Variants in RIN2 observed in about 807,000 individuals in gnomAD.
RIN2 encodes RAB5 interacting protein 2.
RIN2 carries 36 observed loss-of-function variants against 78.0 expected under a neutral mutation model. The ratio of observed to expected loss-of-function variants is 0.46; its 90% CI spans 0.35 to 0.61. The LOEUF is 0.61. RIN2 is among the 20% of genes least tolerant of loss of function. RIN2 has a pLI of 0.00. For missense variants in RIN2, 1,087 were observed against 1,159.7 expected (o/e 0.94, Z 0.91); for synonymous variants, 466 against 466.8 (o/e 1.00, Z 0.02).
rs147400585 is a variant in RIN2, at chr20:19,802,368, C to T, written c.-37+2621C>T. ...GGTATGGCCAGGCCAGGTGTGGTGG[C>T]TCATGTCTGTAATCTCAGCCCTTTG... On this transcript the variant is annotated intron_variant, in intron 2 of 12. Transcript: ENST00000255006. Among the ~76,000 whole-genome samples the T allele has an allele frequency of 4.7e-3, 707 of 151,892 alleles. 3 individuals are homozygous for T. Among genetic ancestry groups the T allele is most frequent in the African/African-American group, 0.017 (687 of 41,414 alleles).
chr20:19,855,412 G>A (rs2037132037), intron 2 of RIN2, among the ~76,000 whole-genome samples: 1 of 152,180 alleles, frequency 6.6e-6, no homozygotes, highest in Non-Finnish European at 1.5e-5. Context: ...AATTAGGGAG[G>A]ATTCCCTCTT....
chr20:19,831,940 CAGAT>C (rs1020759764), intron 2 of RIN2, among the ~76,000 whole-genome samples: 1 of 152,116 alleles, frequency 6.6e-6, no homozygotes, highest in African/African-American at 2.4e-5. Context: ...TTCTACCATA[CAGAT>C]AATGTTTCTA....
intron 1 of RIN2, among the ~76,000 whole-genome samples, chr20:19,790,364 C>A (rs1358917915): frequency 1.3e-5 from 2 of 152,174 alleles, no homozygotes; most frequent in African/African-American, 4.8e-5. Flanking sequence ...AGCTATTACT[C>A]CACTTGGCTT....
intron 1 of RIN2, among the ~76,000 whole-genome samples, chr20:19,765,079 A>G (rs1224188907): frequency 1.3e-5 from 2 of 151,760 alleles, no homozygotes; most frequent in Non-Finnish European, 2.9e-5. Flanking sequence ...CGAACTCCTG[A>G]CCTAAAGTGA....
At chr20:19,944,533 G>A (rs1040258558) in intron 4 of RIN2, among the ~76,000 whole-genome samples, 2 of 152,136 alleles carry the variant, frequency 1.3e-5, no homozygotes, top group African/African-American at 4.8e-5. Flanking sequence ...TGGGCCCTCC[G>A]GCAATGCCAC....
intron 2 of RIN2, among the ~76,000 whole-genome samples, chr20:19,802,134 G>A (rs1277120383): frequency 6.6e-6 from 1 of 152,146 alleles, no homozygotes; most frequent in East Asian, 1.9e-4. Flanking sequence ...TAATCATCAC[G>A]ACAGCCCTAT....
In RIN2 at chr20:19,960,703, T is replaced by C. The variant is rs1323534763; in HGVS notation, c.355T>C (p.Phe119Leu). 1 of 1,589,258 alleles carries C rather than the reference T, an allele frequency of 6.3e-7. No individual in the cohort carries two copies. Among genetic ancestry groups the C allele is most frequent in the East Asian group, 2.3e-5 (1 of 44,114 alleles). Reference protein sequence around the residue: ...EVLQAQPPGIFLVHKSTKMQK... With the variant: ...EVLQAQPPGILLVHKSTKMQK... ...GTATTTCTTTTCCCTCCACTAGATC[T>C]TCCTGGTTCATAAATCTACCAAGAT... is the stretch of plus-strand genomic sequence containing the variant. Residue 119 changes from phenylalanine (F) to leucine (L), a missense_variant, in exon 6 of 13, where the codon TTC (phenylalanine) becomes CTC (leucine). Phe to Leu is a conservative substitution (Grantham distance 22). Transcript: ENST00000255006.
chr20:19,961,682 C>G (rs1234488588), intron 6 of RIN2, among the ~76,000 whole-genome samples: 2 of 152,142 alleles, frequency 1.3e-5, no homozygotes, highest in Non-Finnish European at 2.9e-5. Flanking sequence ...AGGGCACAAT[C>G]TTGCTGAGCC....
At chr20:19,835,174 G>A (rs2036385426) in intron 2 of RIN2, among the ~76,000 whole-genome samples, 1 of 151,402 alleles carries the variant, frequency 6.6e-6, no homozygotes, top group South Asian at 2.1e-4. Context: ...AAGGGAAGAA[G>A]GAAGGGAGGG....
At chr20:19,976,017 G>A (rs1468899601) in intron 9 of RIN2, among the ~76,000 whole-genome samples, 3 of 152,164 alleles carry the variant, frequency 2.0e-5, no homozygotes. Flanking sequence ...ATTCTGTTCA[G>A]GGATGGAGTT....
At chr20:19,850,549 A>G (rs2036928338) in intron 2 of RIN2, among the ~76,000 whole-genome samples, 1 of 152,156 alleles carries the variant, frequency 6.6e-6, no homozygotes, top group South Asian at 2.1e-4. Context: ...ACAGCAGAGG[A>G]GGTTTGGGGA....
At chr20:19,890,392 G>A (rs1359455407) in intron 3 of RIN2, among the ~76,000 whole-genome samples, 5 of 151,744 alleles carry the variant, frequency 3.3e-5, no homozygotes, top group East Asian at 1.9e-4. Context: ...ATTCACCCTC[G>A]AATTAAGGCA....
intron 2 of RIN2, among the ~76,000 whole-genome samples, chr20:19,847,483 CA>C (rs1475107613): frequency 2.0e-5 from 3 of 152,148 alleles, no homozygotes; most frequent in African/African-American, 7.2e-5. Context: ...GCAGTGGGCT[CA>C]ACAAGAGGGT....
intron 2 of RIN2, chr20:19,886,588 G>GGCT: frequency 1.3e-6 from 1 of 794,018 alleles, no homozygotes; most frequent in Non-Finnish European, 2.1e-6. Flanking sequence ...GTCCTATGAG[G>GGCT]GCTGCCTTCT....
chr20:19,843,456 C>T (rs1439188493), intron 2 of RIN2, among the ~76,000 whole-genome samples: 2 of 152,208 alleles, frequency 1.3e-5, no homozygotes, highest in Admixed American at 6.5e-5. Flanking sequence ...CCATCAACAT[C>T]AAGGCAAAAC....
chr20:19,889,404 G>C, intron 2 of RIN2, 162 bp from the exon 3 acceptor site: 1 of 1,175,316 alleles, frequency 8.5e-7, no homozygotes, highest in Non-Finnish European at 1.1e-6. Flanking sequence ...GTGGGGACAG[G>C]AAATTGGGCT....
chr20:19,780,700 C>T (rs1023364822), intron 1 of RIN2, among the ~76,000 whole-genome samples: 6 of 152,158 alleles, frequency 3.9e-5, no homozygotes, highest in East Asian at 1.9e-4. Flanking sequence ...TTGCAACCCT[C>T]GTGAATCTAC....
At chr20:19,832,235 G>A (rs1000981294) in intron 2 of RIN2, among the ~76,000 whole-genome samples, 2 of 150,122 alleles carry the variant, frequency 1.3e-5, no homozygotes, top group African/African-American at 2.5e-5. Context: ...GGCGGCCTCT[G>A]ATAGTCATCG....
intron 3 of RIN2, among the ~76,000 whole-genome samples, chr20:19,917,907 T>A (rs1305007869): frequency 6.6e-6 from 1 of 152,234 alleles, no homozygotes; most frequent in Non-Finnish European, 1.5e-5. Flanking sequence ...CCCAAAGCAT[T>A]CTTTTACATG....
Sources: allele counts gnomAD v4.1 joint callset (sites outside exome capture counted in the v4.1 genomes callset), GRCh38; gene constraint gnomAD v4.1.1; transcripts MANE v1.5; gene names NCBI Gene and HGNC (gene_info 2026-07-23, HGNC 2026-07-21).